Variants in WWOX observed in about 807,000 individuals in gnomAD.
WWOX encodes WW domain-containing oxidoreductase.
WWOX carries 69 observed loss-of-function variants against 46.2 expected under a neutral mutation model. The ratio of observed to expected loss-of-function variants is 1.49; its 90% CI spans 1.23 to 1.82. WWOX has a LOEUF of 1.82. Ranked by LOEUF, WWOX falls within the 40% of genes most tolerant of loss-of-function variation. WWOX has a pLI of 0.00. For synonymous variants in WWOX, 359 were observed against 202.6 expected, an observed-to-expected ratio of 1.77 and a Z score of -6.56; for missense variants, 919 against 542.6, an observed-to-expected ratio of 1.69 and a Z score of -6.89.
chr16:78,832,934 GAT>G (rs1459734451), intron 8 of WWOX, among the ~76,000 whole-genome samples: 1 of 151,856 alleles, frequency 6.6e-6, no homozygotes. Flanking sequence ...TTCTTTAAAG[GAT>G]TTCTGCCATT....
At chr16:79,083,720 G>C (rs2048804084) in intron 8 of WWOX, among the ~76,000 whole-genome samples, 1 of 152,178 alleles carries the variant, frequency 6.6e-6, no homozygotes, top group Non-Finnish European at 1.5e-5. Context: ...ACCCGGCCCT[G>C]AATTTGCTTC....
At chr16:78,589,511 T>A (rs2045301563) in intron 8 of WWOX, among the ~76,000 whole-genome samples, 2 of 152,202 alleles carry the variant, frequency 1.3e-5, no homozygotes, top group African/African-American at 2.4e-5. Context: ...TCCCTGCCCA[T>A]GGCACTCAAG....
intron 8 of WWOX, among the ~76,000 whole-genome samples, chr16:78,775,593 C>T (rs1012517310): frequency 1.3e-5 from 2 of 152,052 alleles, no homozygotes; most frequent in African/African-American, 4.8e-5. Flanking sequence ...TGTTTCACTC[C>T]CCCACCTCTC....
At chr16:78,926,091 C>G (rs2045491189) in intron 8 of WWOX, among the ~76,000 whole-genome samples, 1 of 152,098 alleles carries the variant, frequency 6.6e-6, no homozygotes, top group East Asian at 1.9e-4. Context: ...GGTTTACAGC[C>G]AATTGTAGAA....
intron 8 of WWOX, among the ~76,000 whole-genome samples, chr16:78,447,868 GTC>G (rs1437798348): frequency 6.6e-6 from 1 of 152,118 alleles, no homozygotes; most frequent in African/African-American, 2.4e-5. Flanking sequence ...CAGTGGCATA[GTC>G]TCTGCTTTCT....
chr16:78,335,358 AT>A (rs1425622995), intron 5 of WWOX, among the ~76,000 whole-genome samples: 2 of 152,184 alleles, frequency 1.3e-5, no homozygotes, highest in African/African-American at 2.4e-5. Flanking sequence ...GCTCCCACTT[AT>A]AAACGAGAGC....
chr16:78,392,047 A>T (rs1262696173), intron 6 of WWOX, among the ~76,000 whole-genome samples: 1 of 150,038 alleles, frequency 6.7e-6, no homozygotes, highest in Admixed American at 6.7e-5. Context: ...GATTTAAGGG[A>T]CCAGGGTGTT....
chr16:78,158,379 C>G (rs2034674688), intron 4 of WWOX, among the ~76,000 whole-genome samples: 1 of 152,102 alleles, frequency 6.6e-6, no homozygotes, highest in Non-Finnish European at 1.5e-5. Context: ...GGTCTTCCAC[C>G]ACAGATTACA....
intron 8 of WWOX, among the ~76,000 whole-genome samples, chr16:79,186,850 C>G (rs139181888): frequency 8.5e-4 from 129 of 152,262 alleles, no homozygotes; most frequent in African/African-American, 3.1e-3. Context: ...TTCTCCTTTT[C>G]TCCCATCCCC....
At chr16:78,664,433 T>A (rs1304913459) in intron 8 of WWOX, among the ~76,000 whole-genome samples, 1 of 152,206 alleles carries the variant, frequency 6.6e-6, no homozygotes, top group Non-Finnish European at 1.5e-5. Flanking sequence ...CTGCTGTGGC[T>A]GCTTTGAGCT....
At position 79,180,615 on chromosome 16, in the gene WWOX, T is replaced by G. The variant is rs2050891240; in HGVS notation, c.1057-30993T>G. On this transcript the variant is annotated intron_variant, in intron 8 of 8. Transcript: ENST00000566780. ...GGAAAGAGAAAAGGAAGGTCAGTCA[T>G]TCATTCAATTGCTTAATTTGCTTCT... is the stretch of plus-strand genomic sequence containing the variant. 2.6e-5 allele frequency among the ~76,000 whole-genome samples: 4 copies of G among 152,162 alleles called. No individual in the cohort carries two copies. The South Asian group carries it at 8.3e-4, about 32-fold the overall frequency.
At chr16:79,052,714 G>C (rs1193667246) in intron 8 of WWOX, among the ~76,000 whole-genome samples, 3 of 152,202 alleles carry the variant, frequency 2.0e-5, no homozygotes, top group Non-Finnish European at 4.4e-5. Flanking sequence ...CCTTTGTCCG[G>C]TGTTCTCTCA....
chr16:78,873,793 T>G (rs946626476), intron 8 of WWOX, among the ~76,000 whole-genome samples: 1 of 152,062 alleles, frequency 6.6e-6, no homozygotes, highest in Admixed American at 6.6e-5. Flanking sequence ...CCTCAAAAAG[T>G]AAATAAAATA....
intron 8 of WWOX, among the ~76,000 whole-genome samples, chr16:78,516,266 G>T: frequency 6.6e-6 from 1 of 152,120 alleles, no homozygotes; most frequent in East Asian, 1.9e-4. Flanking sequence ...GGGAGGGTTT[G>T]CTGTTGGCTT....
chr16:79,026,089 C>G (rs964324813), intron 8 of WWOX, among the ~76,000 whole-genome samples: 3 of 151,582 alleles, frequency 2.0e-5, no homozygotes, highest in Non-Finnish European at 4.4e-5. Flanking sequence ...GCATGAGTCC[C>G]CATGCCCAGC....
chr16:78,789,659 G>C (rs546274583), intron 8 of WWOX, among the ~76,000 whole-genome samples: 1 of 152,072 alleles, frequency 6.6e-6, no homozygotes, highest in South Asian at 2.1e-4. Flanking sequence ...TGAATTTTAA[G>C]ATCAATATAA....
intron 8 of WWOX, among the ~76,000 whole-genome samples, chr16:78,626,352 G>A (rs1006222965): frequency 6.6e-6 from 1 of 152,042 alleles, no homozygotes; most frequent in Non-Finnish European, 1.5e-5. Context: ...GCATCTTCTT[G>A]GCTGTGACAG....
intron 8 of WWOX, among the ~76,000 whole-genome samples, chr16:78,530,935 C>G (rs1482356339): frequency 6.6e-6 from 1 of 152,160 alleles, no homozygotes; most frequent in Non-Finnish European, 1.5e-5. Flanking sequence ...GTAGTTTTCA[C>G]TTAGTTGAGG....
chr16:78,253,199 A>C (rs1210094058), intron 5 of WWOX, among the ~76,000 whole-genome samples: 1 of 152,204 alleles, frequency 6.6e-6, no homozygotes, highest in Non-Finnish European at 1.5e-5. Flanking sequence ...CAGATGGATT[A>C]AGTAATTTAC....
Sources: allele counts gnomAD v4.1 joint callset (sites outside exome capture counted in the v4.1 genomes callset), GRCh38; gene constraint gnomAD v4.1.1; transcripts MANE v1.5; gene names NCBI Gene and HGNC (gene_info 2026-07-23, HGNC 2026-07-21).